Variants in IGSF10 observed in about 807,000 individuals in gnomAD.
IGSF10 encodes the protein immunoglobulin superfamily member 10.
A neutral mutation model predicts 128.2 loss-of-function variants in IGSF10; 126 were observed. That is an observed-to-expected ratio of 0.98 (90% confidence interval 0.85 to 1.14). The LOEUF (loss-of-function observed/expected upper bound fraction) is 1.14. IGSF10 is among the 50% of genes most tolerant of loss of function. The pLI, the probability that IGSF10 is intolerant of heterozygous loss-of-function variation, is 0.00. For missense variants in IGSF10, 3,295 were observed against 3,149.8 expected (o/e 1.05, Z -1.10); for synonymous variants, 1,185 against 1,146.2 (o/e 1.03, Z -0.68).
At chr3:151,579,879 G>GAAGA in the IGSF10 span, among the ~76,000 whole-genome samples, 498 of 139,912 alleles carry the variant, frequency 3.6e-3, 9 homozygotes, top group East Asian at 8.6e-3. Context: ...GGAAGGAAAG[G>GAAGA]AAGGAAGGAA....
chr3:151,501,598 G>T, the IGSF10 span, among the ~76,000 whole-genome samples: 1 of 152,128 alleles, frequency 6.6e-6, no homozygotes, highest in Non-Finnish European at 1.5e-5. Context: ...ATATCTGCAG[G>T]CTCCTTAGTT....
chr3:151,537,386 A>G, the IGSF10 span, among the ~76,000 whole-genome samples: 1 of 152,206 alleles, frequency 6.6e-6, no homozygotes, highest in African/African-American at 2.4e-5. Context: ...TGTCAAAATT[A>G]TAGAGAAATA....
chr3:151,493,506 G>A, the IGSF10 span, among the ~76,000 whole-genome samples: 1 of 152,082 alleles, frequency 6.6e-6, no homozygotes, highest in African/African-American at 2.4e-5. Context: ...GTTTAGATAT[G>A]TTCAGATACA....
the IGSF10 span, among the ~76,000 whole-genome samples, chr3:151,569,269 G>A: frequency 5.3e-5 from 8 of 152,116 alleles, no homozygotes; most frequent in Non-Finnish European, 1.5e-5. Flanking sequence ...ACGGGGTGTC[G>A]CCATGTTGGC....
chr3:151,440,732 A>G, intron 7 of IGSF10: 2 of 441,338 alleles, frequency 4.5e-6, no homozygotes, highest in South Asian at 1.6e-5. Flanking sequence ...TCTCACCTCC[A>G]GAATTTGACT....
the IGSF10 span, among the ~76,000 whole-genome samples, chr3:151,610,224 T>A: frequency 6.6e-6 from 1 of 152,170 alleles, no homozygotes; most frequent in Non-Finnish European, 1.5e-5. Context: ...TTGCTACATA[T>A]CTGATATCTA....
the IGSF10 span, among the ~76,000 whole-genome samples, chr3:151,480,959 A>G: frequency 6.6e-6 from 1 of 152,108 alleles, no homozygotes; most frequent in Non-Finnish European, 1.5e-5. Context: ...CCTGTCCCCC[A>G]GGGACCTCAG....
rs113699263 is a variant in IGSF10 at position 151,452,942 on chromosome 3, G to A, written c.715+442C>T. 5.1e-3 allele frequency among the ~76,000 whole-genome samples: 780 copies of A among 152,074 alleles called. 6 individuals are homozygous for A. Among genetic ancestry groups the A allele is most frequent in the African/African-American group, 0.018 (738 of 41,486 alleles). Reference sequence around the variant, plus strand: ...GCAGGGGCAGCAGCAGGTACGAGGAGGTAAAACAGCTTGTGGTGTGGCAGG... The same window carrying A: ...GCAGGGGCAGCAGCAGGTACGAGGAAGTAAAACAGCTTGTGGTGTGGCAGG... On this transcript the variant is annotated intron_variant, in intron 5 of 7. Transcript: ENST00000282466.
chr3:151,578,907 G>C, the IGSF10 span, among the ~76,000 whole-genome samples: 1 of 152,158 alleles, frequency 6.6e-6, no homozygotes, highest in African/African-American at 2.4e-5. Context: ...GACAGGTCTT[G>C]ACCAAGACTG....
At chr3:151,553,597 GCT>G in the IGSF10 span, among the ~76,000 whole-genome samples, 15 of 148,564 alleles carry the variant, frequency 1.0e-4, no homozygotes, top group East Asian at 3.9e-4. Flanking sequence ...TTCTTTCAGA[GCT>G]CTCTCTCTCT....
At chr3:151,565,314 A>G in the IGSF10 span, among the ~76,000 whole-genome samples, 1 of 152,142 alleles carries the variant, frequency 6.6e-6, no homozygotes, top group Non-Finnish European at 1.5e-5. Flanking sequence ...CCCAGAAACC[A>G]TATTTCACCC....
At chr3:151,599,626 C>T in the IGSF10 span, among the ~76,000 whole-genome samples, 1 of 152,208 alleles carries the variant, frequency 6.6e-6, no homozygotes, top group East Asian at 1.9e-4. Context: ...ATAGGAAAAT[C>T]GAACTTTAAA....
chr3:151,596,214 TA>T, the IGSF10 span, among the ~76,000 whole-genome samples: 4 of 152,096 alleles, frequency 2.6e-5, no homozygotes, highest in South Asian at 4.1e-4. Flanking sequence ...AACAGTAACA[TA>T]AAGCAATAGA....
the IGSF10 span, among the ~76,000 whole-genome samples, chr3:151,527,869 C>T: frequency 2.0e-5 from 3 of 151,948 alleles, no homozygotes; most frequent in Non-Finnish European, 4.4e-5. Context: ...GGCAGGATCA[C>T]TTCAGCTTGG....
intron 5 of IGSF10, among the ~76,000 whole-genome samples, chr3:151,450,009 A>C (rs1231463525): frequency 1.3e-5 from 2 of 152,182 alleles, no homozygotes; most frequent in Non-Finnish European, 2.9e-5. Context: ...GAGCAGGTTC[A>C]GGTTTAAGGG....
At position 151,442,380 on chromosome 3, in the gene IGSF10, AT is replaced by A. The variant is rs3975405; in HGVS notation, c.5963+603del. Among the ~76,000 whole-genome samples, 490 of 124,502 alleles carry A rather than the reference AT, an allele frequency of 3.9e-3. 1 individual carries two copies. The highest frequency in any genetic ancestry group is 8.3e-3 in the African/African-American group (262 of 31,570). 81.7% of individuals were successfully genotyped at this position (124,502 alleles called of 152,430 possible). A position where few individuals can be genotyped will look rare whatever the true frequency, so the allele number is the denominator to read the frequency against. ...GTGTGAATATATTTATACAATTACTATTTTTTTTTTTTTTTTTGAGACAAAG... is the reference window on the plus strand; with the variant it reads ...GTGTGAATATATTTATACAATTACTATTTTTTTTTTTTTTTTGAGACAAAG... On this transcript the variant is annotated intron_variant, in intron 7 of 7. Coordinates refer to ENST00000282466, the MANE Select transcript of IGSF10 (RefSeq NM_178822.5).
intron 5 of IGSF10, among the ~76,000 whole-genome samples, chr3:151,449,743 AC>A (rs1396852826): frequency 1.3e-5 from 2 of 152,136 alleles, no homozygotes; most frequent in Admixed American, 1.3e-4. Flanking sequence ...TCATTAAAAA[AC>A]CCAAGTTTAT....
the IGSF10 span, among the ~76,000 whole-genome samples, chr3:151,539,776 C>G: frequency 6.8e-6 from 1 of 146,342 alleles, no homozygotes; most frequent in South Asian, 2.1e-4. Context: ...ATCTATCTAT[C>G]TATCTATCTA....
the IGSF10 span, among the ~76,000 whole-genome samples, chr3:151,481,943 C>T: frequency 6.6e-6 from 1 of 152,226 alleles, no homozygotes; most frequent in Non-Finnish European, 1.5e-5. Flanking sequence ...ACATTGATCA[C>T]AGCCAAAGAA....
Sources: allele counts gnomAD v4.1 joint callset (sites outside exome capture counted in the v4.1 genomes callset), GRCh38; gene constraint gnomAD v4.1.1; transcripts MANE v1.5; gene names NCBI Gene and HGNC (gene_info 2026-07-23, HGNC 2026-07-21).